Variants in SAG observed in about 807,000 individuals in gnomAD.
SAG encodes the protein S-antigen visual arrestin.
In SAG, 45 loss-of-function variants were observed where a neutral mutation model predicts 55.0. The ratio of observed to expected loss-of-function variants is 0.82; its 90% CI spans 0.64 to 1.05. The LOEUF is 1.05. SAG is among the 50% of genes least tolerant of loss of function. The pLI is 0.00. For missense variants in SAG, 455 were observed against 512.1 expected (o/e 0.89, Z 1.08); for synonymous variants, 189 against 197.4 (o/e 0.96, Z 0.36).
At chr2:233,327,401 C>T in intron 7 of SAG, 1 of 482,326 alleles carries the variant, frequency 2.1e-6, no homozygotes, top group South Asian at 3.3e-5. Flanking sequence ...AGTTAGCAAC[C>T]TCCAGGGCTC....
intron 2 of SAG, among the ~76,000 whole-genome samples, chr2:233,315,204 T>A (rs778795018): frequency 6.8e-6 from 1 of 146,730 alleles, no homozygotes; most frequent in East Asian, 1.9e-4. Context: ...GCTTTAGGTC[T>A]ACCTGTGCAG....
chr2:233,317,310 G>A (rs1390234020), intron 3 of SAG, among the ~76,000 whole-genome samples: 4 of 152,178 alleles, frequency 2.6e-5, no homozygotes, highest in Admixed American at 6.5e-5. Flanking sequence ...GCTCCAAACC[G>A]GAAAGAACCA....
intron 9 of SAG, among the ~76,000 whole-genome samples, chr2:233,330,530 T>C (rs2125339320): frequency 6.7e-6 from 1 of 149,312 alleles, no homozygotes; most frequent in South Asian, 2.2e-4. Flanking sequence ...CCTTCCTTCC[T>C]TCCTTCCTTC....
intron 11 of SAG, among the ~76,000 whole-genome samples, chr2:233,338,358 A>C (rs1334657173): frequency 6.6e-6 from 1 of 152,178 alleles, no homozygotes; most frequent in African/African-American, 2.4e-5. Context: ...AGTTTTGGCA[A>C]GTGGTAGGAG....
Position 233,322,141 on chromosome 2 carries a change from G to T in SAG, c.376-805G>T, listed in dbSNP as rs373602222. 2.8e-5 allele frequency among the ~76,000 whole-genome samples: 4 copies of T among 140,856 alleles called. No homozygotes were observed. The East Asian group carries it at 8.3e-4, about 29-fold the overall frequency. The allele number at this position is 140,856 out of a possible 152,430, so 92.4% of individuals were successfully genotyped here. ...GGCAGAGCTTGCAGTGAGCTAGATC[G>T]CGCCACTGCACTCCAGCCTGGGTGA... On this transcript the variant is annotated intron_variant, in intron 5 of 15. Transcript: ENST00000409110.
intron 11 of SAG, chr2:233,338,471 C>T (rs1287501370): frequency 1.7e-6 from 1 of 589,236 alleles, no homozygotes; most frequent in Non-Finnish European, 3.1e-6. Flanking sequence ...GAGGAGAAGA[C>T]ACAGGAATTC....
intron 4 of SAG, 130 bp downstream of exon 4, chr2:233,318,925 C>A: frequency 1.2e-6 from 1 of 816,758 alleles, no homozygotes; most frequent in Non-Finnish European, 2.2e-6. Flanking sequence ...CACATGGAAC[C>A]AGTGCCAGGC....
intron 15 of SAG, among the ~76,000 whole-genome samples, 193 bp from the exon 16 acceptor site, chr2:233,346,614 G>T (rs186822275): frequency 6.6e-6 from 1 of 152,206 alleles, no homozygotes; most frequent in Non-Finnish European, 1.5e-5. Context: ...CACTCTGCGC[G>T]TGCCTTTGTT....
In SAG at chr2:233,320,717, C is replaced by G. The variant is rs531041701; in HGVS notation, c.269C>G (p.Ser90Cys). The G allele has an allele frequency of 2.0e-5, 32 of 1,605,566 alleles. No individual in the cohort carries two copies. In the African/African-American group the frequency reaches 3.6e-4, roughly 18 times the overall value. The change falls in exon 5 of 16, where the codon TCC becomes TGC. Residue 90 changes from serine (S) to cysteine (C), a missense_variant. Coordinates refer to ENST00000409110, the MANE Select transcript of SAG (RefSeq NM_000541.5). ...ACCTTCCGCAGGGACCTGTACTTCT[C>G]CCGGGTCCAGGTGTATCCTCCTGTG... ...GLTFRRDLYF[S>C]RVQVYPPVGA...
chr2:233,314,564 C>T (rs934962333), intron 2 of SAG, among the ~76,000 whole-genome samples: 6 of 152,196 alleles, frequency 3.9e-5, no homozygotes, highest in African/African-American at 7.2e-5. Flanking sequence ...AGCTGGGACT[C>T]GCTGCAGCAA....
At chr2:233,341,557 C>T (rs2125351857) in intron 13 of SAG, among the ~76,000 whole-genome samples, 1 of 152,286 alleles carries the variant, frequency 6.6e-6, no homozygotes, top group Middle Eastern at 3.4e-3. Flanking sequence ...AAACCTTATA[C>T]TAATAACACT....
chr2:233,309,021 C>T (rs1457106498), intron 1 of SAG, 141 bp from the exon 2 acceptor site: 3 of 554,892 alleles, frequency 5.4e-6, no homozygotes, highest in Admixed American at 3.1e-5. Context: ...CGATGAAACT[C>T]GGATGTTGAA....
rs1255564073 is a variant in SAG at position 233,320,706 on chromosome 2, C to A, written c.258C>A (p.Asp86Glu). 1 of 1,606,040 alleles carries A rather than the reference C, an allele frequency of 6.2e-7. No homozygotes were observed. Among genetic ancestry groups the A allele is most frequent in the Non-Finnish European group, 8.5e-7 (1 of 1,176,472 alleles). ...IDVIGLTFRR[D>E]LYFSRVQVYP... ...TGATCGGCTTGACCTTCCGCAGGGA[C>A]CTGTACTTCTCCCGGGTCCAGGTGT... The change falls in exon 5 of 16, where the codon GAC becomes GAA. Residue 86 changes from aspartate to glutamate, a missense_variant. Physicochemically the swap from Asp to Glu is conservative, Grantham distance 45. Coordinates refer to ENST00000409110, the MANE Select transcript of SAG (RefSeq NM_000541.5).
intron 11 of SAG, among the ~76,000 whole-genome samples, chr2:233,336,154 G>T (rs986544994): frequency 6.6e-6 from 1 of 152,234 alleles, no homozygotes; most frequent in Non-Finnish European, 1.5e-5. Context: ...CGTAGGGATC[G>T]TAAGATGAAC....
chr2:233,333,584 G>A (rs924957410), intron 10 of SAG: 4 of 152,146 alleles, frequency 2.6e-5, no homozygotes, highest in Non-Finnish European at 4.4e-5. Context: ...AGGCTTCCAC[G>A]GAACCAGGAC....
chr2:233,337,488 C>G (rs1373356211), intron 11 of SAG, among the ~76,000 whole-genome samples: 2 of 152,168 alleles, frequency 1.3e-5, no homozygotes, highest in African/African-American at 4.8e-5. Flanking sequence ...ATCTGCCCGC[C>G]TCCGTCTCCC....
chr2:233,335,165 A>G, intron 11 of SAG, 66 bp downstream of exon 11: 1 of 1,558,050 alleles, frequency 6.4e-7, no homozygotes, highest in Non-Finnish European at 8.7e-7. Context: ...GCTTCCCTTC[A>G]CATCACCCTG....
chr2:233,337,738 C>T (rs1434854351), intron 11 of SAG, among the ~76,000 whole-genome samples: 2 of 152,168 alleles, frequency 1.3e-5, no homozygotes, highest in Non-Finnish European at 2.9e-5. Context: ...TGCCTTCTGC[C>T]TGTAGCCTTC....
intron 6 of SAG, among the ~76,000 whole-genome samples, chr2:233,325,649 G>T (rs1158928802): frequency 6.6e-6 from 1 of 152,204 alleles, no homozygotes; most frequent in Non-Finnish European, 1.5e-5. Context: ...CTATAAGAGA[G>T]ACCCCAAATT....
Sources: gnomAD v4.1 joint callset for allele counts (sites outside exome capture counted in the v4.1 genomes callset) on GRCh38, gnomAD v4.1.1 for gene constraint, MANE v1.5 for transcripts, NCBI Gene and HGNC (gene_info 2026-07-23, HGNC 2026-07-21) for gene names.